Variants in MED12L observed in about 807,000 individuals in gnomAD.
The protein encoded by MED12L is mediator complex subunit 12L, also known as mediator of RNA polymerase II transcription subunit 12-like protein.
In MED12L, 60 loss-of-function variants were observed where a neutral mutation model predicts 281.3. That is an observed-to-expected ratio of 0.21 (90% CI 0.17 to 0.26). The LOEUF is 0.26. Ranked by LOEUF, MED12L falls within the 10% of genes least tolerant of loss-of-function variation. The probability of loss-of-function intolerance (pLI) is 1.00; values close to 1 mark genes in which losing one functional copy is unlikely to be tolerated. For missense variants in MED12L, 2,146 were observed against 2,680.9 expected (o/e 0.80, Z 4.41); for synonymous variants, 974 against 987.2 (o/e 0.99, Z 0.25).
chr3:151,350,060 A>T lies in MED12L; in HGVS notation c.2252A>T (p.Asp751Val). 2 of 1,607,648 alleles carry T rather than the reference A, an allele frequency of 1.2e-6. No individual in the cohort carries two copies. Among genetic ancestry groups the T allele is most frequent in the Non-Finnish European group, 1.7e-6 (2 of 1,175,994 alleles). Reference protein sequence around the residue: ...QYATHFPIPLDESSSHECNQR... With the variant: ...QYATHFPIPLVESSSHECNQR... ...CAGAATGCATTTTCTGTTTTTCAGG[A>T]TGAATCTTCAAGTCATGAATGTAAC... Residue 751 changes from aspartate (D) to valine (V), a missense_variant and splice_region_variant, in exon 17 of 45, where the codon GAT (aspartate) becomes GTT (valine). This residue lies in a region of MED12L where 404 missense variants were observed against 603.5 expected (regional missense o/e 0.67). Transcript: ENST00000687756.
chr3:151,213,554 G>A (rs2149221064), intron 16 of MED12L: 12 of 1,614,088 alleles, frequency 7.4e-6, no homozygotes, highest in Non-Finnish European at 1.0e-5. Context: ...TTTGTGTAGG[G>A]GATTCTGGCA....
intron 5 of MED12L, among the ~76,000 whole-genome samples, chr3:151,137,578 T>A (rs1157031505): frequency 1.3e-5 from 2 of 152,212 alleles, no homozygotes; most frequent in Non-Finnish European, 2.9e-5. Context: ...CATATCTGCA[T>A]GTGTGTGCAT....
intron 4 of MED12L, among the ~76,000 whole-genome samples, chr3:151,126,799 A>T (rs1211461553): frequency 6.6e-6 from 1 of 152,160 alleles, no homozygotes; most frequent in African/African-American, 2.4e-5. Flanking sequence ...TGTAATTTTG[A>T]TTCATGTAAT....
At chr3:151,164,651 A>G (rs1302528251) in intron 9 of MED12L, among the ~76,000 whole-genome samples, 3 of 152,350 alleles carry the variant, frequency 2.0e-5, no homozygotes, top group East Asian at 1.9e-4. Context: ...CATATACACC[A>G]TGGAATACTG....
At chr3:151,410,184 A>G (rs972948758) in intron 40 of MED12L, among the ~76,000 whole-genome samples, 4 of 152,222 alleles carry the variant, frequency 2.6e-5, no homozygotes, top group Admixed American at 6.5e-5. Flanking sequence ...GAACTAACCT[A>G]TGGAACTAAC....
At chr3:151,342,943 T>C (rs1752056751) in intron 16 of MED12L, among the ~76,000 whole-genome samples, 2 of 152,180 alleles carry the variant, frequency 1.3e-5, no homozygotes, top group African/African-American at 4.8e-5. Context: ...ATTCTCTGGA[T>C]GAGGGGAACT....
At chr3:151,336,722 C>A in intron 16 of MED12L, 2 of 334,632 alleles carry the variant, frequency 6.0e-6, no homozygotes, top group South Asian at 4.8e-5. Context: ...TCAGAAGAGA[C>A]TTTGCACAAT....
chr3:151,121,342 A>G (rs188340158), intron 3 of MED12L, among the ~76,000 whole-genome samples: 5 of 152,208 alleles, frequency 3.3e-5, no homozygotes, highest in African/African-American at 1.2e-4. Context: ...TACTTATTCT[A>G]ATTTTTATTA....
intron 16 of MED12L, among the ~76,000 whole-genome samples, chr3:151,231,812 A>G (rs1731729886): frequency 6.6e-6 from 1 of 152,206 alleles, no homozygotes; most frequent in Non-Finnish European, 1.5e-5. Flanking sequence ...GGTGTGGTTA[A>G]GCGAGAGAGT....
chr3:151,171,142 A>G (rs1355554383), intron 11 of MED12L, among the ~76,000 whole-genome samples: 1 of 152,144 alleles, frequency 6.6e-6, no homozygotes, highest in Non-Finnish European at 1.5e-5. Context: ...AGTGTTTCAG[A>G]GCCATTTCTA....
intron 25 of MED12L, among the ~76,000 whole-genome samples, chr3:151,368,567 G>A (rs1755571271): frequency 6.8e-6 from 1 of 147,590 alleles, no homozygotes; most frequent in Admixed American, 6.7e-5. Context: ...CCACATCACA[G>A]CAGCTTAGGG....
intron 11 of MED12L, among the ~76,000 whole-genome samples, chr3:151,172,596 C>T (rs147371623): frequency 9.9e-5 from 15 of 152,240 alleles, no homozygotes; most frequent in African/African-American, 3.4e-4. Context: ...TGGCATTGAT[C>T]CACTCAGGAT....
At chr3:151,297,846 GGTT>G (rs951305713) in intron 16 of MED12L, among the ~76,000 whole-genome samples, 24 of 151,914 alleles carry the variant, frequency 1.6e-4, no homozygotes, top group African/African-American at 5.8e-4. Context: ...TGTCAAAAAA[GGTT>G]GTGTGTGTGT....
At chr3:151,321,269 T>C (rs1748963427) in intron 16 of MED12L, among the ~76,000 whole-genome samples, 1 of 152,218 alleles carries the variant, frequency 6.6e-6, no homozygotes, top group African/African-American at 2.4e-5. Flanking sequence ...TTTGGACTTC[T>C]TTATTCCAGA....
chr3:151,411,729 C>G (rs186961427), intron 41 of MED12L, among the ~76,000 whole-genome samples: 72 of 152,274 alleles, frequency 4.7e-4, no homozygotes, highest in African/African-American at 1.6e-3. Flanking sequence ...AGTTTTGACT[C>G]ATGTCTTCCA....
chr3:151,237,642 C>A (rs924734865), intron 16 of MED12L, among the ~76,000 whole-genome samples: 1 of 152,086 alleles, frequency 6.6e-6, no homozygotes, highest in Admixed American at 6.6e-5. Context: ...TGAGCCACTG[C>A]GCCCAGCCGC....
rs772503725 is a variant in MED12L, at chr3:151,432,816, G to A, written c.*12G>A. 6.2e-7 allele frequency: 1 copy of A among 1,608,308 alleles called. No homozygotes were observed. The highest frequency in any genetic ancestry group is 8.5e-7 in the Non-Finnish European group (1 of 1,175,748). Reference sequence around the variant, plus strand: ...CTTCACACTTCTGAATCTGCAAGAGGAGAAGACATGACGTTTTATGTTTGC... The same window carrying A: ...CTTCACACTTCTGAATCTGCAAGAGAAGAAGACATGACGTTTTATGTTTGC... On this transcript the variant is annotated 3_prime_UTR_variant, in exon 45 of 45. Transcript: ENST00000687756.
chr3:151,338,675 T>C (rs1375164710), intron 16 of MED12L: 2 of 1,613,790 alleles, frequency 1.2e-6, no homozygotes, highest in South Asian at 2.2e-5. Flanking sequence ...TAATAAAGTT[T>C]GATTTACTCC....
intron 16 of MED12L, among the ~76,000 whole-genome samples, chr3:151,263,637 A>G (rs1739301452): frequency 6.6e-6 from 1 of 152,192 alleles, no homozygotes. Flanking sequence ...TGTTATTTGA[A>G]AGAAACAATC....
Sources: gnomAD v4.1 joint callset for allele counts (sites outside exome capture counted in the v4.1 genomes callset) on GRCh38, gnomAD v4.1.1 for gene constraint, gnomAD v4.1.1 regional missense constraint, MANE v1.5 for transcripts, NCBI Gene and HGNC (gene_info 2026-07-23, HGNC 2026-07-21) for gene names.